TSG101: variants seen among roughly 807,000 people sequenced by gnomAD.
The protein encoded by TSG101 is tumor susceptibility gene 101 protein.
TSG101 carries 19 observed loss-of-function variants against 48.5 expected under a neutral mutation model. That is an observed-to-expected ratio of 0.39 (90% CI 0.27 to 0.58). The LOEUF is 0.58. Ranked by LOEUF, TSG101 falls within the 20% of genes least tolerant of loss-of-function variation. The pLI, the probability that TSG101 is intolerant of heterozygous loss-of-function variation, is 0.55. For missense variants in TSG101, 365 were observed against 484.4 expected, an observed-to-expected ratio of 0.75 and a Z score of 2.31; for synonymous variants, 174 against 169.4, an observed-to-expected ratio of 1.03 and a Z score of -0.21.
chr11:18,499,390 A>T (rs1849848132), intron 7 of TSG101, among the ~76,000 whole-genome samples: 1 of 6,874 alleles, frequency 1.5e-4, no homozygotes, highest in African/African-American at 4.9e-4. Flanking sequence ...AAATATATAT[A>T]TATATATATA....
At chr11:18,488,923 A>C (rs907811815) in intron 7 of TSG101, among the ~76,000 whole-genome samples, 26 of 152,096 alleles carry the variant, frequency 1.7e-4, no homozygotes, top group African/African-American at 6.0e-4. Context: ...CCAGAGATCG[A>C]GATCAACATG....
Position 18,511,793 on chromosome 11 carries a change from C to T in TSG101, c.358-2128G>A, listed in dbSNP as rs117777271. Among the ~76,000 whole-genome samples the T allele has an allele frequency of 8.6e-3, 1,303 of 152,244 alleles. 15 individuals are homozygous for T. The highest frequency in any genetic ancestry group is 0.012 in the Admixed American group (179 of 15,294). ...CCTGTACTCATTAGTAGTCACTTCC[C>T]GTTTCCCTTTCCCCACAGCCCTTTA... On this transcript the variant is annotated intron_variant, in intron 4 of 9. Transcript: ENST00000251968.
At position 18,480,515 on chromosome 11, in the gene TSG101, A is replaced by G. The variant is rs1294149188; in HGVS notation, c.*31T>C. On this transcript the variant is annotated 3_prime_UTR_variant, in exon 10 of 10. Coordinates refer to ENST00000251968, the MANE Select transcript of TSG101 (RefSeq NM_006292.4). ...AAAGGAAGAGAAGAATACTTTAAGA[A>G]GAGCTCAACCTCCAGCTGGTATCAG... The G allele has an allele frequency of 1.1e-5, 17 of 1,576,932 alleles. No homozygotes were observed. The highest frequency in any genetic ancestry group is 1.5e-5 in the Non-Finnish European group (17 of 1,149,364).
chr11:18,481,541 A>G (rs1240007585), intron 9 of TSG101, 89 bp downstream of exon 9: 1 of 1,526,256 alleles, frequency 6.6e-7, no homozygotes, highest in Non-Finnish European at 8.7e-7. Context: ...AATCCATACT[A>G]CAAAGAAACT....
At chr11:18,493,839 CA>C (rs1318003478) in intron 7 of TSG101, among the ~76,000 whole-genome samples, 2 of 152,294 alleles carry the variant, frequency 1.3e-5, no homozygotes, top group East Asian at 1.9e-4. Flanking sequence ...ACATGGCTTA[CA>C]AAAGTCCTTT....
chr11:18,484,014 C>G lies in TSG101; in HGVS notation c.699G>C (p.Ala233=), dbSNP rs751209663. 2 of 1,614,004 alleles carry G rather than the reference C, an allele frequency of 1.2e-6. No homozygotes were observed. Among genetic ancestry groups the G allele is most frequent in the Non-Finnish European group, 1.7e-6 (2 of 1,180,040 alleles). ...TCCGCCATCTCAGTTTGTCACTGAC[C>G]GCAGAGATGAGAGAGGCTCGGATGG... ...EDTIRASLIS[A]VSDKLRWRMK... Residue 233 remains alanine, a synonymous_variant, in exon 8 of 10, where the codon GCG becomes GCC. Transcript: ENST00000251968.
chr11:18,487,434 G>A (rs533707950), intron 7 of TSG101, among the ~76,000 whole-genome samples: 1 of 152,072 alleles, frequency 6.6e-6, no homozygotes, highest in South Asian at 2.1e-4. Flanking sequence ...CAAATTCAAA[G>A]GATTAGAAAA....
chr11:18,482,065 T>C (rs1424499229), intron 8 of TSG101, among the ~76,000 whole-genome samples, 196 bp from the exon 9 acceptor site: 2 of 152,158 alleles, frequency 1.3e-5, no homozygotes, highest in African/African-American at 4.8e-5. Flanking sequence ...AATAGAGTAA[T>C]GATGGAGATA....
rs149065967 is a variant in TSG101 at position 18,491,625 on chromosome 11, A to C, written c.641-7553T>G. ...GCCATAAGTCATAACTGTGAGTATA[A>C]TAGCTTTCAGTGAGCTTTTAAAGTC... On this transcript the variant is annotated intron_variant, in intron 7 of 9. Coordinates refer to ENST00000251968, the MANE Select transcript of TSG101 (RefSeq NM_006292.4). Among the ~76,000 whole-genome samples, 558 of 152,342 alleles carry C rather than the reference A, an allele frequency of 3.7e-3. 2 individuals are homozygous for C. Among genetic ancestry groups the C allele is most frequent in the African/African-American group, 0.013 (539 of 41,568 alleles).
At chr11:18,525,699 ATAAC>A in intron 1 of TSG101, 1 of 984,800 alleles carries the variant, frequency 1.0e-6, no homozygotes. Context: ...TATGTCTTCT[ATAAC>A]TAAGGATAAC....
chr11:18,499,575 T>A (rs1253583339), intron 7 of TSG101, among the ~76,000 whole-genome samples: 1 of 149,374 alleles, frequency 6.7e-6, no homozygotes, highest in Non-Finnish European at 1.5e-5. Flanking sequence ...CACGCCCGGC[T>A]AATTTTTTTG....
At chr11:18,488,384 T>C (rs945512382) in intron 7 of TSG101, among the ~76,000 whole-genome samples, 1 of 152,148 alleles carries the variant, frequency 6.6e-6, no homozygotes, top group Middle Eastern at 3.2e-3. Flanking sequence ...ATAGGCCTAT[T>C]ATCAATTCTC....
intron 1 of TSG101, among the ~76,000 whole-genome samples, chr11:18,522,550 G>T (rs868507707): frequency 6.6e-6 from 1 of 152,188 alleles, no homozygotes; most frequent in Admixed American, 6.5e-5. Flanking sequence ...CTAGATTACT[G>T]CAACAGCCTC....
At chr11:18,481,500 T>C in intron 9 of TSG101, 130 bp downstream of exon 9, 1 of 1,459,020 alleles carries the variant, frequency 6.9e-7, no homozygotes, top group Admixed American at 2.7e-5. Flanking sequence ...CTACATCTCA[T>C]TTAGTGTTTT....
intron 7 of TSG101, among the ~76,000 whole-genome samples, chr11:18,501,555 A>T (rs1161477996): frequency 6.6e-6 from 1 of 152,172 alleles, no homozygotes; most frequent in Non-Finnish European, 1.5e-5. Context: ...TGATGCTTCC[A>T]GCTTTGTTCT....
intron 5 of TSG101, among the ~76,000 whole-genome samples, chr11:18,508,294 T>C (rs1850010489): frequency 6.7e-6 from 1 of 149,242 alleles, no homozygotes; most frequent in Non-Finnish European, 1.5e-5. Context: ...CGATCTCAGC[T>C]CACTGCAACA....
intron 9 of TSG101, 33 bp downstream of exon 9, chr11:18,481,597 T>TA (rs901728078): frequency 1.3e-6 from 2 of 1,599,360 alleles, no homozygotes; most frequent in Non-Finnish European, 1.7e-6. Context: ...CAACCCAAGT[T>TA]AAAAAATCTT....
At chr11:18,523,064 T>C (rs1188206256) in intron 1 of TSG101, among the ~76,000 whole-genome samples, 1 of 152,136 alleles carries the variant, frequency 6.6e-6, no homozygotes, top group African/African-American at 2.4e-5. Context: ...TTTTTTTATA[T>C]TTTTAGTAGA....
chr11:18,507,050 G>A (rs866754333), intron 5 of TSG101, 127 bp from the exon 6 acceptor site: 74 of 543,770 alleles, frequency 1.4e-4, no homozygotes, highest in African/African-American at 1.2e-3. Flanking sequence ...CCAAATCTCA[G>A]CACCAAAACA....
Sources: gnomAD v4.1 joint callset for allele counts (sites outside exome capture counted in the v4.1 genomes callset) on GRCh38, gnomAD v4.1.1 for gene constraint, MANE v1.5 for transcripts, NCBI Gene and HGNC (gene_info 2026-07-23, HGNC 2026-07-21) for gene names.